Variants in TPM3 observed in about 807,000 individuals in gnomAD.
TPM3 encodes the protein tropomyosin 3.
Under a neutral mutation model 43.1 loss-of-function variants are expected in TPM3, and 16 were observed. The ratio of observed to expected loss-of-function variants is 0.37; its 90% CI spans 0.25 to 0.56. The LOEUF (loss-of-function observed/expected upper bound fraction) is 0.56, where lower values mean the gene tolerates loss of function less well. TPM3 is among the 20% of genes least tolerant of loss of function. The pLI is 0.77. For missense variants in TPM3, 176 were observed against 337.2 expected, an observed-to-expected ratio of 0.52 and a Z score of 3.74; for synonymous variants, 101 against 116.9, an observed-to-expected ratio of 0.86 and a Z score of 0.88.
rs1185640127 is a variant in TPM3, at chr1:154,192,069, T to G, written c.-51A>C. 4 of 1,530,652 alleles carry G rather than the reference T, an allele frequency of 2.6e-6. No homozygotes were observed. Among genetic ancestry groups the G allele is most frequent in the South Asian group, 1.1e-5 (1 of 89,424 alleles). 94.8% of individuals were successfully genotyped at this position (1,530,652 alleles called of 1,614,324 possible). A position where few individuals can be genotyped will look rare whatever the true frequency, so the allele number is the denominator to read the frequency against. Reference sequence around the variant, plus strand: ...CTGTGAACACTGGAGAACTGGAGACTGGGGCAAGAAAGAAGGGGCTGCTGC... The same window carrying G: ...CTGTGAACACTGGAGAACTGGAGACGGGGGCAAGAAAGAAGGGGCTGCTGC... On this transcript the variant is annotated 5_prime_UTR_variant, in exon 1 of 10. Coordinates refer to ENST00000651641, the MANE Select transcript of TPM3 (RefSeq NM_152263.4).
At chr1:154,184,004 T>G (rs939721960) in intron 2 of TPM3, among the ~76,000 whole-genome samples, 1 of 151,670 alleles carries the variant, frequency 6.6e-6, no homozygotes, top group African/African-American at 2.4e-5. Flanking sequence ...GGACTACAGG[T>G]GCACGCCACC....
At chr1:154,172,788 C>G (rs1661752394) in intron 5 of TPM3, 120 bp downstream of exon 5, 1 of 1,264,558 alleles carries the variant, frequency 7.9e-7, no homozygotes, top group Non-Finnish European at 1.2e-6. Flanking sequence ...ATAGATGACT[C>G]CCATTCCCTA....
chr1:154,184,264 C>T (rs1372742334), intron 2 of TPM3, among the ~76,000 whole-genome samples: 1 of 152,042 alleles, frequency 6.6e-6, no homozygotes, highest in Non-Finnish European at 1.5e-5. Context: ...GTCTCGATCT[C>T]CTGACCTCGT....
At chr1:154,189,523 G>T (rs944056031) in intron 2 of TPM3, among the ~76,000 whole-genome samples, 7 of 151,756 alleles carry the variant, frequency 4.6e-5, no homozygotes, top group Non-Finnish European at 8.8e-5. Context: ...GCTGGGCGGG[G>T]TGGCTCACGC....
intron 1 of TPM3, 139 bp from the exon 2 acceptor site, chr1:154,191,450 G>GC: frequency 6.8e-7 from 1 of 1,466,500 alleles, no homozygotes; most frequent in Non-Finnish European, 9.3e-7. Context: ...GCCACTTCCA[G>GC]CCCACTGCCT....
intron 4 of TPM3, 42 bp from the exon 5 acceptor site, chr1:154,173,020 G>A (rs1661780278): frequency 1.2e-6 from 2 of 1,613,766 alleles, no homozygotes; most frequent in African/African-American, 1.3e-5. Context: ...AAGCAAAGGA[G>A]CCATTTACCG....
downstream of TPM3, among the ~76,000 whole-genome samples, chr1:154,157,998 G>C (rs1433161129): frequency 6.6e-6 from 1 of 152,146 alleles, no homozygotes. Flanking sequence ...TCAGCTTTCA[G>C]TCAATGAAAG....
intron 3 of TPM3, among the ~76,000 whole-genome samples, chr1:154,174,758 T>G (rs1375973375): frequency 1.3e-5 from 2 of 151,470 alleles, no homozygotes; most frequent in African/African-American, 4.8e-5. Context: ...GCTCCCAAAG[T>G]GCTGGGATTA....
chr1:154,171,354 T>A, intron 6 of TPM3, 59 bp downstream of exon 6: 1 of 1,586,632 alleles, frequency 6.3e-7, no homozygotes, highest in Non-Finnish European at 8.7e-7. Flanking sequence ...CAGTCTTTCA[T>A]CAAGGGCAGG....
intron 2 of TPM3, among the ~76,000 whole-genome samples, chr1:154,181,911 ACT>A (rs1662994394): frequency 6.6e-6 from 1 of 152,116 alleles, no homozygotes; most frequent in Admixed American, 6.5e-5. Context: ...ACAGAGTGAG[ACT>A]CTGTCTCAAA....
chr1:154,181,740 C>T (rs777607482), intron 2 of TPM3, among the ~76,000 whole-genome samples: 2 of 152,000 alleles, frequency 1.3e-5, no homozygotes, highest in Non-Finnish European at 2.9e-5. Flanking sequence ...GCCAACATGG[C>T]GAAACCCCGT....
chr1:154,191,062 AATGT>A (rs1376102085), intron 2 of TPM3, 120 bp downstream of exon 2: 5 of 1,481,086 alleles, frequency 3.4e-6, no homozygotes, highest in Non-Finnish European at 3.7e-6. Context: ...TATATGCAAA[AATGT>A]ATGTGAGTAT....
At chr1:154,181,623 G>T (rs1662954115) in intron 2 of TPM3, among the ~76,000 whole-genome samples, 1 of 152,192 alleles carries the variant, frequency 6.6e-6, no homozygotes, top group African/African-American at 2.4e-5. Flanking sequence ...GACGTTTAAA[G>T]AAATCACTAG....
At chr1:154,174,370 A>ATG (rs1167658115) in intron 3 of TPM3, among the ~76,000 whole-genome samples, 9 of 26,862 alleles carry the variant, frequency 3.4e-4, no homozygotes, top group Admixed American at 1.1e-3. Context: ...ATATATGTGT[A>ATG]TATATATATA....
rs765337829 is a variant in TPM3, at chr1:154,170,469, C to A, written c.706G>T (p.Ala236Ser). 6.2e-7 allele frequency: 1 copy of A among 1,614,130 alleles called. No homozygotes were observed. The highest frequency in any genetic ancestry group is 2.2e-5 in the East Asian group (1 of 44,888). The stretch of plus-strand genomic sequence containing the variant: ...TCAGCAAACTCAGCACGGGTCTCTG[C>A]CTGGGGGAAATATGAAATTAGTCAG... Reference protein sequence around the residue: ...IKILTDKLKEAETRAEFAERS... With the variant: ...IKILTDKLKESETRAEFAERS... Residue 236 changes from alanine (A) to serine (S), a missense_variant and splice_region_variant, in exon 8 of 10, where the codon GCA (alanine) becomes TCA (serine). By Grantham distance (99) the Ala-to-Ser change is moderately conservative. This residue lies in a region of TPM3 where 53 missense variants were observed against 98.3 expected (regional missense o/e 0.54). Coordinates refer to ENST00000651641, the MANE Select transcript of TPM3 (RefSeq NM_152263.4).
In TPM3 at chr1:154,191,317, G is replaced by C; in HGVS notation, c.118-6C>G. ...GCTGCCAGCTCATCCTCCAGCTATA[G>C]GAGCCCAGAGAGTCACACACAAAAA... On this transcript the variant is annotated splice_region_variant and splice_polypyrimidine_tract_variant and intron_variant, in intron 1 of 9. Transcript: ENST00000651641. 6.2e-7 allele frequency: 1 copy of C among 1,613,858 alleles called. No individual in the cohort carries two copies. The highest frequency in any genetic ancestry group is 1.1e-5 in the South Asian group (1 of 91,080).
chr1:154,172,827 C>A, intron 5 of TPM3, 81 bp downstream of exon 5: 5 of 1,540,766 alleles, frequency 3.2e-6, no homozygotes, highest in Non-Finnish European at 4.5e-6. Flanking sequence ...TGAAGGAATG[C>A]TAATTTATTC....
At chr1:154,182,925 T>G (rs1271262689) in intron 2 of TPM3, 52 of 1,606,542 alleles carry the variant, frequency 3.2e-5, no homozygotes, top group Non-Finnish European at 4.2e-5. Flanking sequence ...AAAAGGGACC[T>G]TATTCCGCTT....
At chr1:154,176,336 C>T in intron 2 of TPM3, 88 bp from the exon 3 acceptor site, 2 of 1,594,802 alleles carry the variant, frequency 1.3e-6, no homozygotes, top group Non-Finnish European at 8.6e-7. Context: ...GGTTGACTAC[C>T]ATGAAAAAGC....
Sources: allele counts gnomAD v4.1 joint callset (sites outside exome capture counted in the v4.1 genomes callset), GRCh38; gene constraint gnomAD v4.1.1; regional missense constraint gnomAD v4.1.1; transcripts MANE v1.5; gene names NCBI Gene and HGNC (gene_info 2026-07-23, HGNC 2026-07-21).